Variants in EPB41L2 observed in about 807,000 individuals in gnomAD.
EPB41L2 encodes the protein band 4.1-like protein 2.
EPB41L2 carries 43 observed loss-of-function variants against 113.0 expected under a neutral mutation model. The observed-to-expected ratio is 0.38, with a 90% CI of 0.30 to 0.49. The LOEUF (loss-of-function observed/expected upper bound fraction) is 0.49. Among genes scored for constraint, EPB41L2 ranks in the 20% least tolerant of loss-of-function variants. The pLI is 0.95. For missense variants in EPB41L2, 1,147 were observed against 1,223.4 expected (o/e 0.94, Z 0.93); for synonymous variants, 442 against 436.7 (o/e 1.01, Z -0.15).
At chr6:130,986,577 G>A (rs1420005078) in intron 1 of EPB41L2, among the ~76,000 whole-genome samples, 1 of 151,358 alleles carries the variant, frequency 6.6e-6, no homozygotes, top group Non-Finnish European at 1.5e-5. Flanking sequence ...AAGAGGTATA[G>A]GATTTTTTTC....
At chr6:130,936,488 G>C (rs1238802061) in intron 3 of EPB41L2, among the ~76,000 whole-genome samples, 5 of 152,088 alleles carry the variant, frequency 3.3e-5, no homozygotes, top group Non-Finnish European at 7.4e-5. Context: ...GTACTAAATA[G>C]GGTTTAATTT....
At chr6:130,930,391 C>T (rs577363085) in intron 3 of EPB41L2, among the ~76,000 whole-genome samples, 39 of 152,138 alleles carry the variant, frequency 2.6e-4, no homozygotes, top group Non-Finnish European at 5.4e-4. Flanking sequence ...AGTTTTTTAA[C>T]GCCAACATTA....
At position 130,937,068 on chromosome 6, in the gene EPB41L2, T is replaced by C. The variant is rs552885579; in HGVS notation, c.706-10359A>G. ...TTTCACACATGCATAACCTCCCCCA[T>C]TGGGATAATTACCAACATCCCACAC... is the stretch of plus-strand genomic sequence containing the variant. On this transcript the variant is annotated intron_variant, in intron 3 of 19. Transcript: ENST00000337057. 3.9e-5 allele frequency among the ~76,000 whole-genome samples: 6 copies of C among 152,302 alleles called. No homozygotes were observed. In the South Asian group the frequency reaches 1.0e-3, roughly 26 times the overall value.
intron 1 of EPB41L2, among the ~76,000 whole-genome samples, chr6:131,058,311 C>T (rs561786544): frequency 4.7e-4 from 71 of 152,056 alleles, no homozygotes; most frequent in African/African-American, 1.6e-3. Flanking sequence ...TTCAGAAAGC[C>T]TCTGAAATTC....
At chr6:130,966,390 G>A (rs76272526) in intron 1 of EPB41L2, among the ~76,000 whole-genome samples, 23 of 152,318 alleles carry the variant, frequency 1.5e-4, no homozygotes, top group African/African-American at 4.1e-4. Context: ...GCAAGATTCA[G>A]ACGGTATAAG....
rs77092216 is a variant in EPB41L2, at chr6:131,000,157, A to T, written c.-14-43658T>A. Among the ~76,000 whole-genome samples, 101 of 95,496 alleles carry T rather than the reference A, an allele frequency of 1.1e-3. 1 individual carries two copies. Among genetic ancestry groups the T allele is most frequent in the African/African-American group, 3.2e-3 (61 of 19,224 alleles). 62.6% of individuals were successfully genotyped at this position (95,496 alleles called of 152,430 possible). On this transcript the variant is annotated intron_variant, in intron 1 of 19. Transcript: ENST00000337057. ...TAAAGATGTGGAATAGTGGCTTTTTAAAAAAAAAAAATACAGGCATCACTA... is the reference window on the plus strand; with the variant it reads ...TAAAGATGTGGAATAGTGGCTTTTTTAAAAAAAAAAATACAGGCATCACTA...
chr6:130,944,863 G>A (rs1480435495), intron 3 of EPB41L2, among the ~76,000 whole-genome samples: 1 of 152,164 alleles, frequency 6.6e-6, no homozygotes, highest in Non-Finnish European at 1.5e-5. Flanking sequence ...TGATTATGAG[G>A]CCAGGCTCTG....
chr6:130,909,318 C>T (rs1056754521), intron 4 of EPB41L2, among the ~76,000 whole-genome samples: 1 of 151,762 alleles, frequency 6.6e-6, no homozygotes, highest in African/African-American at 2.4e-5. Context: ...ATTATCTCAA[C>T]TCCTAAAACG....
chr6:130,840,382 G>T lies in EPB41L2; in HGVS notation c.*222C>A, dbSNP rs1476056430. ...AAAGAACTGAGAATATTTAGAAGTG[G>T]TTATAAAACAAAATAATATATTAAA... is the stretch of plus-strand genomic sequence containing the variant. On this transcript the variant is annotated 3_prime_UTR_variant, in exon 20 of 20. Coordinates refer to ENST00000337057, the MANE Select transcript of EPB41L2 (RefSeq NM_001431.4). The T allele has an allele frequency of 1.3e-5, 2 of 152,160 alleles. No homozygotes were observed. Among genetic ancestry groups the T allele is most frequent in the Non-Finnish European group, 2.9e-5 (2 of 68,022 alleles). 9.4% of individuals were successfully genotyped at this position (152,160 alleles called of 1,614,324 possible). A position where few individuals can be genotyped will look rare whatever the true frequency, so the allele number is the denominator to read the frequency against.
chr6:130,899,252 T>A (rs1315565257), intron 8 of EPB41L2, among the ~76,000 whole-genome samples: 4 of 150,966 alleles, frequency 2.6e-5, no homozygotes, highest in Non-Finnish European at 5.9e-5. Flanking sequence ...TCATAGTAAG[T>A]ACCTATGAAA....
intron 1 of EPB41L2, among the ~76,000 whole-genome samples, chr6:131,056,145 A>T (rs1797538694): frequency 6.6e-6 from 1 of 152,246 alleles, no homozygotes; most frequent in African/African-American, 2.4e-5. Context: ...TGTTGCTGGA[A>T]AATATGTGTG....
chr6:130,872,343 G>A (rs1582920731), intron 14 of EPB41L2: 1 of 1,267,240 alleles, frequency 7.9e-7, no homozygotes, highest in Non-Finnish European at 1.0e-6. Flanking sequence ...GTGGCTTTTA[G>A]TAACAGGGGA....
chr6:130,987,674 C>A (rs1335895005), intron 1 of EPB41L2, among the ~76,000 whole-genome samples: 1 of 150,624 alleles, frequency 6.6e-6, no homozygotes, highest in African/African-American at 2.5e-5. Context: ...GCCTGGGCAA[C>A]AGAGCAAGAC....
chr6:130,876,683 CT>C (rs1017317958), intron 14 of EPB41L2: 37 of 1,303,650 alleles, frequency 2.8e-5, no homozygotes, highest in Non-Finnish European at 3.6e-5. Flanking sequence ...CCTTGTCCGT[CT>C]CCTGAGCTTT....
At position 130,870,449 on chromosome 6, in the gene EPB41L2, A is replaced by T. The variant is rs901452624; in HGVS notation, c.2044-323T>A. ...TTTACCTCAACAACCACTGAAACAA[A>T]CATCTGACACTGCAAAGACAAAACA... On this transcript the variant is annotated intron_variant, in intron 14 of 19. Transcript: ENST00000337057. 7 of 1,468,346 alleles carry T rather than the reference A, an allele frequency of 4.8e-6. No homozygotes were observed. The East Asian group carries it at 1.2e-4, about 26-fold the overall frequency. The allele number at this position is 1,468,346 out of a possible 1,614,324, so 91.0% of individuals were successfully genotyped here.
intron 1 of EPB41L2, chr6:130,970,270 T>A (rs1160917596): frequency 1.3e-5 from 2 of 152,170 alleles, no homozygotes; most frequent in Non-Finnish European, 2.9e-5. Flanking sequence ...ATCGCCCCCC[T>A]TGAAATACAT....
chr6:130,967,131 AC>A (rs1190184963), intron 1 of EPB41L2, among the ~76,000 whole-genome samples: 1 of 152,114 alleles, frequency 6.6e-6, no homozygotes, highest in Non-Finnish European at 1.5e-5. Flanking sequence ...GTCCACAGAT[AC>A]CCAAATCCAC....
intron 2 of EPB41L2, 22 bp downstream of exon 2, chr6:130,955,972 A>G: frequency 6.3e-7 from 1 of 1,589,012 alleles, no homozygotes; most frequent in Middle Eastern, 1.7e-4. Flanking sequence ...TTTCATTTCC[A>G]GGCAATTATT....
intron 4 of EPB41L2, among the ~76,000 whole-genome samples, chr6:130,913,289 T>A (rs1044050908): frequency 6.6e-6 from 1 of 152,192 alleles, no homozygotes; most frequent in African/African-American, 2.4e-5. Flanking sequence ...AAGGCTGAAA[T>A]GGCTTACTTT....
Sources: gnomAD v4.1 joint callset for allele counts (sites outside exome capture counted in the v4.1 genomes callset) on GRCh38, gnomAD v4.1.1 for gene constraint, MANE v1.5 for transcripts, NCBI Gene and HGNC (gene_info 2026-07-23, HGNC 2026-07-21) for gene names.